Variants in NALCN observed in about 807,000 individuals in gnomAD.
NALCN encodes the protein sodium leak channel, non-selective.
NALCN carries 111 observed loss-of-function variants against 225.3 expected under a neutral mutation model. That is an observed-to-expected ratio of 0.49 (90% CI 0.42 to 0.58). NALCN has a LOEUF of 0.58. Ranked by LOEUF, NALCN falls within the 20% of genes least tolerant of loss-of-function variation. The pLI is 0.00. For missense variants in NALCN, 1,378 were observed against 2,202.4 expected, an observed-to-expected ratio of 0.63 and a Z score of 7.49; for synonymous variants, 764 against 769.0, an observed-to-expected ratio of 0.99 and a Z score of 0.11.
intron 13 of NALCN, among the ~76,000 whole-genome samples, chr13:101,196,954 A>G (rs553648886): frequency 1.6e-3 from 238 of 152,178 alleles, no homozygotes; most frequent in African/African-American, 5.4e-3. Context: ...TTGTCTCTTC[A>G]TATTTTCATT....
intron 6 of NALCN, among the ~76,000 whole-genome samples, chr13:101,364,072 C>G (rs904943392): frequency 6.6e-6 from 1 of 151,892 alleles, no homozygotes; most frequent in African/African-American, 2.4e-5. Context: ...ATAAAAAAGA[C>G]AGTGAGTGCT....
chr13:101,176,503 T>C, intron 14 of NALCN, 129 bp from the exon 15 acceptor site: 2 of 488,154 alleles, frequency 4.1e-6, no homozygotes, highest in Non-Finnish European at 6.6e-6. Flanking sequence ...CATGCAGTGA[T>C]GAATCATTGC....
At chr13:101,367,396 C>T (rs1373782098) in intron 6 of NALCN, among the ~76,000 whole-genome samples, 2 of 148,194 alleles carry the variant, frequency 1.3e-5, no homozygotes, top group Non-Finnish European at 3.0e-5. Context: ...TTTTTGACAT[C>T]TGATAACACT....
chr13:101,412,690 A>G (rs1463829494), intron 1 of NALCN, among the ~76,000 whole-genome samples: 1 of 152,198 alleles, frequency 6.6e-6, no homozygotes, highest in Non-Finnish European at 1.5e-5. Context: ...AGCTTTTCCT[A>G]TCAGTCCTGT....
chr13:101,174,089 G>C (rs1013335436), intron 15 of NALCN, among the ~76,000 whole-genome samples: 2 of 152,056 alleles, frequency 1.3e-5, no homozygotes, highest in Non-Finnish European at 2.9e-5. Context: ...AAGTTAACCA[G>C]GAACACTTTA....
intron 15 of NALCN, among the ~76,000 whole-genome samples, chr13:101,152,606 T>C (rs2139829670): frequency 6.6e-6 from 1 of 152,294 alleles, no homozygotes; most frequent in South Asian, 2.1e-4. Flanking sequence ...AAAAAAACTA[T>C]TCAAATCCAG....
chr13:101,118,812 G>A (rs960578800), intron 18 of NALCN, among the ~76,000 whole-genome samples: 5 of 152,258 alleles, frequency 3.3e-5, no homozygotes, highest in East Asian at 3.9e-4. Flanking sequence ...GGTCTCTGTC[G>A]TTTCTTTCTC....
chr13:101,155,373 A>T (rs2037852937), intron 15 of NALCN, among the ~76,000 whole-genome samples: 1 of 152,170 alleles, frequency 6.6e-6, no homozygotes, highest in African/African-American at 2.4e-5. Context: ...CTTGGCTGTG[A>T]CAATTCCTCT....
intron 10 of NALCN, among the ~76,000 whole-genome samples, chr13:101,282,776 T>A (rs1026718085): frequency 6.6e-6 from 1 of 152,216 alleles, no homozygotes; most frequent in Non-Finnish European, 1.5e-5. Context: ...ATACCTTAAG[T>A]ATTTACAATT....
chr13:101,313,781 T>A (rs2044446344), intron 7 of NALCN, among the ~76,000 whole-genome samples: 1 of 151,964 alleles, frequency 6.6e-6, no homozygotes, highest in African/African-American at 2.4e-5. Context: ...GAACTAGAAA[T>A]ACCATTTGAC....
chr13:101,364,123 G>A (rs1271504890), intron 6 of NALCN, among the ~76,000 whole-genome samples: 3 of 152,082 alleles, frequency 2.0e-5, no homozygotes, highest in African/African-American at 4.8e-5. Flanking sequence ...TACACTGTTG[G>A]TGGTAATGCA....
At chr13:101,356,034 G>C (rs910135086) in intron 6 of NALCN, among the ~76,000 whole-genome samples, 3 of 151,884 alleles carry the variant, frequency 2.0e-5, no homozygotes, top group African/African-American at 7.3e-5. Context: ...AGAATATCTG[G>C]GAACTAAAGC....
At position 101,258,376 on chromosome 13, in the gene NALCN, C is replaced by T. The variant is rs146473767; in HGVS notation, c.1266+67G>A. 1.8e-5 allele frequency: 29 copies of T among 1,595,206 alleles called. No individual in the cohort carries two copies. In the African/African-American group the frequency reaches 3.6e-4, roughly 20 times the overall value. On this transcript the variant is annotated intron_variant, in intron 11 of 43. Transcript: ENST00000251127. Reference sequence around the variant, plus strand: ...CAGGCTACACTTCACTTTTGCATCTCTAAGAGGCACTGTCCGCGGTTCACC... The same window carrying T: ...CAGGCTACACTTCACTTTTGCATCTTTAAGAGGCACTGTCCGCGGTTCACC...
intron 13 of NALCN, among the ~76,000 whole-genome samples, chr13:101,200,494 A>G (rs1362411651): frequency 6.6e-6 from 1 of 152,206 alleles, no homozygotes; most frequent in East Asian, 1.9e-4. Context: ...AGTTGAGATT[A>G]AGAGCGTCGG....
chr13:101,062,241 C>T (rs953309479), intron 40 of NALCN, 123 bp from the exon 41 acceptor site: 8 of 1,098,760 alleles, frequency 7.3e-6, no homozygotes, highest in African/African-American at 1.6e-5. Context: ...GACGCCACCC[C>T]TCGCCACCCG....
intron 11 of NALCN, among the ~76,000 whole-genome samples, chr13:101,246,376 A>G (rs74117816): frequency 0.053 from 8,105 of 152,288 alleles, 597 homozygotes; most frequent in African/African-American, 0.16. Flanking sequence ...ATCACAAAGG[A>G]AGATTACAGG....
chr13:101,250,304 A>G (rs9582471), intron 11 of NALCN, among the ~76,000 whole-genome samples: 81,187 of 151,780 alleles, frequency 0.53, 22,118 homozygotes, highest in East Asian at 0.58. Context: ...GAATAGCAAG[A>G]CCAAGAACAG....
chr13:101,165,239 G>A (rs960874197), intron 15 of NALCN, among the ~76,000 whole-genome samples: 1 of 152,078 alleles, frequency 6.6e-6, no homozygotes, highest in African/African-American at 2.4e-5. Flanking sequence ...TGGTCTATCT[G>A]GAAACAGAGT....
chr13:101,174,810 A>T (rs1433831629), intron 15 of NALCN, among the ~76,000 whole-genome samples: 1 of 152,212 alleles, frequency 6.6e-6, no homozygotes, highest in African/African-American at 2.4e-5. Flanking sequence ...TTTAAATTTT[A>T]TCTATAGAAT....
Sources: allele counts gnomAD v4.1 joint callset (sites outside exome capture counted in the v4.1 genomes callset), GRCh38; gene constraint gnomAD v4.1.1; transcripts MANE v1.5; gene names NCBI Gene and HGNC (gene_info 2026-07-23, HGNC 2026-07-21).